Variants in OXR1 observed in about 807,000 individuals in gnomAD.
The protein encoded by OXR1 is oxidation resistance protein 1.
A neutral mutation model predicts 104.6 loss-of-function variants in OXR1; 41 were observed. That is an observed-to-expected ratio of 0.39 (90% CI 0.31 to 0.51). The LOEUF (loss-of-function observed/expected upper bound fraction) is 0.51, where lower values mean the gene tolerates loss of function less well. Among genes scored for constraint, OXR1 ranks in the 20% least tolerant of loss-of-function variants. OXR1 has a pLI of 0.77. For missense variants in OXR1, 955 were observed against 1,031.9 expected (o/e 0.93, Z 1.02); for synonymous variants, 348 against 348.4 (o/e 1.00, Z 0.01).
rs377201082 is a variant in OXR1, at chr8:106,708,146, C to T, written c.1624+1001C>T. Among the ~76,000 whole-genome samples, 20 of 152,134 alleles carry T rather than the reference C, an allele frequency of 1.3e-4. No individual in the cohort carries two copies. The East Asian group carries it at 3.7e-3, about 28-fold the overall frequency. On this transcript the variant is annotated intron_variant, in intron 9 of 16. Transcript: ENST00000517566. ...GTGGCTCACTCCTGTAATCCTATCA[C>T]TTTGGGAGGCTGAGGCAGGCAGATT... is the stretch of plus-strand genomic sequence containing the variant.
chr8:106,704,061 A>G (rs954710386), intron 8 of OXR1, among the ~76,000 whole-genome samples: 5 of 152,194 alleles, frequency 3.3e-5, no homozygotes, highest in Non-Finnish European at 7.3e-5. Flanking sequence ...GTGACAGAAT[A>G]AAATCCTTTG....
intron 2 of OXR1, among the ~76,000 whole-genome samples, chr8:106,507,880 C>G (rs1404894121): frequency 6.6e-6 from 1 of 152,184 alleles, no homozygotes; most frequent in Non-Finnish European, 1.5e-5. Flanking sequence ...GTTGGCTTTT[C>G]TTTCATTCTC....
intron 3 of OXR1, among the ~76,000 whole-genome samples, chr8:106,633,419 T>G (rs977528544): frequency 5.9e-5 from 9 of 152,208 alleles, no homozygotes; most frequent in African/African-American, 1.7e-4. Context: ...TTATTTTACT[T>G]TGGTCTTAGT....
intron 8 of OXR1, among the ~76,000 whole-genome samples, chr8:106,704,599 T>C (rs1395103005): frequency 6.6e-6 from 1 of 151,986 alleles, no homozygotes; most frequent in African/African-American, 2.4e-5. Flanking sequence ...GGTTTCATCA[T>C]GTTGGCCAGG....
intron 3 of OXR1, among the ~76,000 whole-genome samples, chr8:106,552,600 C>CAT (rs1427373311): frequency 6.6e-6 from 1 of 152,028 alleles, no homozygotes; most frequent in African/African-American, 2.4e-5. Context: ...CTTAATTGGC[C>CAT]ATATATATTG....
At chr8:106,559,377 C>A (rs1264326899) in intron 3 of OXR1, among the ~76,000 whole-genome samples, 2 of 152,168 alleles carry the variant, frequency 1.3e-5, no homozygotes, top group Non-Finnish European at 2.9e-5. Context: ...TCTAAGCCCT[C>A]AACAAAATCA....
intron 3 of OXR1, among the ~76,000 whole-genome samples, chr8:106,645,098 T>C (rs1168507105): frequency 6.6e-6 from 1 of 152,108 alleles, no homozygotes; most frequent in Non-Finnish European, 1.5e-5. Context: ...TTCATTTTAC[T>C]ACATAATGTA....
chr8:106,563,894 T>A (rs573056818), intron 3 of OXR1, among the ~76,000 whole-genome samples: 26 of 152,272 alleles, frequency 1.7e-4, no homozygotes, highest in African/African-American at 6.3e-4. Context: ...GACTACTGGG[T>A]AAATAACAAA....
chr8:106,355,587 G>T (rs536221982), intron 1 of OXR1, among the ~76,000 whole-genome samples: 11 of 152,086 alleles, frequency 7.2e-5, no homozygotes, highest in African/African-American at 2.4e-4. Flanking sequence ...GAAAAGGAAA[G>T]ATGATATAAC....
intron 1 of OXR1, among the ~76,000 whole-genome samples, chr8:106,295,456 C>T (rs1812954671): frequency 6.6e-6 from 1 of 151,912 alleles, no homozygotes; most frequent in African/African-American, 2.4e-5. Flanking sequence ...CATATAATAA[C>T]CTCATTGTCA....
intron 7 of OXR1, among the ~76,000 whole-genome samples, chr8:106,698,439 A>C (rs1320863806): frequency 2.0e-5 from 3 of 151,960 alleles, no homozygotes; most frequent in African/African-American, 4.8e-5. Context: ...GTTCATGCCA[A>C]ATTTGGAAAA....
chr8:106,533,050 AC>A (rs1403546912), intron 3 of OXR1, among the ~76,000 whole-genome samples: 1 of 152,130 alleles, frequency 6.6e-6, no homozygotes, highest in East Asian at 1.9e-4. Flanking sequence ...TATCCAGGGT[AC>A]TACATTATAT....
intron 3 of OXR1, among the ~76,000 whole-genome samples, chr8:106,571,279 G>C (rs565515100): frequency 6.6e-5 from 10 of 152,086 alleles, no homozygotes; most frequent in Admixed American, 1.3e-4. Flanking sequence ...CAGGGTGCCA[G>C]TGTGGTTGGG....
chr8:106,380,110 C>G (rs1012989408), intron 2 of OXR1, among the ~76,000 whole-genome samples: 8 of 152,042 alleles, frequency 5.3e-5, no homozygotes, highest in African/African-American at 1.9e-4. Context: ...CACTCTCACC[C>G]CATTCCCCTT....
chr8:106,555,838 T>A (rs1394664486), intron 3 of OXR1, among the ~76,000 whole-genome samples: 1 of 150,476 alleles, frequency 6.6e-6, no homozygotes, highest in African/African-American at 2.4e-5. Context: ...AGACAAATTA[T>A]AGTGTGTGTG....
intron 2 of OXR1, among the ~76,000 whole-genome samples, chr8:106,372,857 A>G (rs866800141): frequency 1.3e-5 from 2 of 152,252 alleles, no homozygotes; most frequent in African/African-American, 2.4e-5. Flanking sequence ...GATGTCATCT[A>G]TAGAAACATT....
rs115398913 is a variant in OXR1, at chr8:106,294,561, G to A, written c.-139+24194G>A. ...GAAGCTTACAATCATGGCAGAAGAT[G>A]AAGGGGGAGTAAGCACATCACATGG... is the stretch of plus-strand genomic sequence containing the variant. On this transcript the variant is annotated intron_variant, in intron 1 of 16. Transcript: ENST00000517566. 9.7e-3 allele frequency among the ~76,000 whole-genome samples: 1,476 copies of A among 152,152 alleles called. 19 individuals carry two copies. Among genetic ancestry groups the A allele is most frequent in the African/African-American group, 0.032 (1,344 of 41,496 alleles).
chr8:106,540,799 C>G (rs896139427), intron 3 of OXR1, among the ~76,000 whole-genome samples: 1 of 152,174 alleles, frequency 6.6e-6, no homozygotes, highest in African/African-American at 2.4e-5. Context: ...CTCGTGCAGG[C>G]AAACTCCTGT....
At chr8:106,532,167 T>G (rs995360419) in intron 3 of OXR1, among the ~76,000 whole-genome samples, 9 of 152,208 alleles carry the variant, frequency 5.9e-5, no homozygotes, top group African/African-American at 1.7e-4. Flanking sequence ...CTTAGGAACT[T>G]GTGAAGGGCT....
Sources: gnomAD v4.1 joint callset for allele counts (sites outside exome capture counted in the v4.1 genomes callset) on GRCh38, gnomAD v4.1.1 for gene constraint, MANE v1.5 for transcripts, NCBI Gene and HGNC (gene_info 2026-07-23, HGNC 2026-07-21) for gene names.